The following CNTN5 variants were observed in gnomAD, a reference collection of about 807,000 sequenced individuals.
The protein encoded by CNTN5 is contactin 5, also known as contactin-5.
CNTN5 carries 77 observed loss-of-function variants against 129.1 expected under a neutral mutation model. That is an observed-to-expected ratio of 0.60 (90% confidence interval 0.50 to 0.72). The LOEUF (loss-of-function observed/expected upper bound fraction) is 0.72, where lower values mean the gene tolerates loss of function less well. CNTN5 is among the 30% of genes least tolerant of loss of function. The pLI, the probability that CNTN5 is intolerant of heterozygous loss-of-function variation, is 0.00. For missense variants in CNTN5, 1,478 were observed against 1,328.8 expected (o/e 1.11, Z -1.75); for synonymous variants, 509 against 465.6 (o/e 1.09, Z -1.20).
chr11:100,281,996 A>ATTTTT (rs34162956), intron 18 of CNTN5, among the ~76,000 whole-genome samples: 17 of 123,136 alleles, frequency 1.4e-4, no homozygotes, highest in East Asian at 4.7e-4. Flanking sequence ...TTGGCATTCT[A>ATTTTT]TTTTTTTTTT....
chr11:99,894,537 A>C (rs1222826447), intron 6 of CNTN5, among the ~76,000 whole-genome samples: 56 of 150,434 alleles, frequency 3.7e-4, no homozygotes, highest in African/African-American at 7.1e-4. Flanking sequence ...AAACCAAAAA[A>C]CAAAAAACAA....
chr11:99,398,378 G>A (rs933052671), intron 2 of CNTN5, among the ~76,000 whole-genome samples: 2 of 151,714 alleles, frequency 1.3e-5, no homozygotes, highest in Non-Finnish European at 2.9e-5. Flanking sequence ...TGAATTATTT[G>A]ATTTGCATAC....
At chr11:99,804,544 A>AG (rs1946211307) in intron 3 of CNTN5, among the ~76,000 whole-genome samples, 1 of 146,152 alleles carries the variant, frequency 6.8e-6, no homozygotes, top group African/African-American at 2.4e-5. Context: ...AAAAAAAAAA[A>AG]CTCAGTAAAG....
At chr11:99,179,823 G>T (rs72996233) in intron 1 of CNTN5, among the ~76,000 whole-genome samples, 19 of 152,290 alleles carry the variant, frequency 1.2e-4, no homozygotes, top group Non-Finnish European at 2.5e-4. Flanking sequence ...ATGGTAGTTT[G>T]TGTGTGTTCC....
At chr11:100,173,123 C>G (rs1417639362) in intron 13 of CNTN5, among the ~76,000 whole-genome samples, 1 of 152,120 alleles carries the variant, frequency 6.6e-6, no homozygotes, top group Non-Finnish European at 1.5e-5. Flanking sequence ...GGAAATCAGA[C>G]AGCTCCTCCA....
intron 3 of CNTN5, among the ~76,000 whole-genome samples, chr11:99,760,271 T>G (rs1266568706): frequency 6.6e-6 from 1 of 152,168 alleles, no homozygotes; most frequent in Non-Finnish European, 1.5e-5. Flanking sequence ...CAGTGACCTG[T>G]GTCACAGAAC....
At chr11:99,781,800 T>A (rs1316513146) in intron 3 of CNTN5, among the ~76,000 whole-genome samples, 1 of 152,058 alleles carries the variant, frequency 6.6e-6, no homozygotes. Context: ...AAACTCTCAA[T>A]AAATTAGGGA....
At chr11:99,046,233 G>T (rs1384287885) in intron 1 of CNTN5, among the ~76,000 whole-genome samples, 2 of 152,090 alleles carry the variant, frequency 1.3e-5, no homozygotes, top group Non-Finnish European at 2.9e-5. Flanking sequence ...CCAGCTACTT[G>T]GGAGGCTGAT....
At chr11:100,106,488 G>A (rs1047040269) in intron 13 of CNTN5, among the ~76,000 whole-genome samples, 5 of 131,724 alleles carry the variant, frequency 3.8e-5, no homozygotes, top group African/African-American at 1.3e-4. Context: ...GAGGGAATGA[G>A]GGAGGAGGGA....
intron 3 of CNTN5, among the ~76,000 whole-genome samples, chr11:99,655,757 A>G (rs1372541851): frequency 6.6e-6 from 1 of 152,116 alleles, no homozygotes; most frequent in East Asian, 1.9e-4. Context: ...AGATGTATAT[A>G]CGCACACACA....
intron 8 of CNTN5, among the ~76,000 whole-genome samples, chr11:99,978,908 C>A (rs1377575): frequency 0.29 from 44,258 of 151,990 alleles, 6,805 homozygotes; most frequent in African/African-American, 0.37. Context: ...TTAAAGAAAT[C>A]TATTTGTGTT....
In CNTN5 at chr11:99,655,955, CACAT is replaced by C. The variant is rs1952342974; in HGVS notation, c.55+99688_55+99691del. Among the ~76,000 whole-genome samples, 6 of 152,068 alleles carry C rather than the reference CACAT, an allele frequency of 3.9e-5. No individual in the cohort carries two copies. In the South Asian group the frequency reaches 1.2e-3, roughly 32 times the overall value. ...ATATATACACACACGTGTATATACA[CACAT>C]ATATATACACATATATGCATGTGTG... On this transcript the variant is annotated intron_variant, in intron 3 of 24. Coordinates refer to ENST00000524871, the MANE Select transcript of CNTN5 (RefSeq NM_014361.4).
chr11:99,949,176 C>T (rs1428743826), intron 7 of CNTN5, among the ~76,000 whole-genome samples: 1 of 152,108 alleles, frequency 6.6e-6, no homozygotes, highest in East Asian at 1.9e-4. Context: ...ATCTGAGAGT[C>T]CTCTTCACTG....
At chr11:100,181,151 C>T (rs73562416) in intron 13 of CNTN5, among the ~76,000 whole-genome samples, 4,714 of 151,838 alleles carry the variant, frequency 0.031, 243 homozygotes, top group African/African-American at 0.11. Context: ...TAGAACCTGC[C>T]CAGATGTTGT....
chr11:99,734,558 G>A (rs1418610320), intron 3 of CNTN5, among the ~76,000 whole-genome samples: 1 of 152,048 alleles, frequency 6.6e-6, no homozygotes, highest in Non-Finnish European at 1.5e-5. Context: ...ATATCATACT[G>A]ATTTTACAAC....
chr11:99,731,131 C>G (rs532695237), intron 3 of CNTN5, among the ~76,000 whole-genome samples: 2 of 150,222 alleles, frequency 1.3e-5, no homozygotes, highest in African/African-American at 4.9e-5. Context: ...TTTTTTGAGA[C>G]GGAGTCTTGC....
At chr11:99,710,702 A>G (rs1026572771) in intron 3 of CNTN5, among the ~76,000 whole-genome samples, 1 of 151,714 alleles carries the variant, frequency 6.6e-6, no homozygotes, top group African/African-American at 2.4e-5. Flanking sequence ...AAAAATGACT[A>G]CACAGTTCAA....
At chr11:99,932,198 T>C (rs1027026669) in intron 7 of CNTN5, among the ~76,000 whole-genome samples, 1 of 152,310 alleles carries the variant, frequency 6.6e-6, no homozygotes, top group African/African-American at 2.4e-5. Flanking sequence ...TTTATTTTAT[T>C]TTATTTTTTT....
chr11:99,541,719 CA>C (rs1350269485), intron 2 of CNTN5, among the ~76,000 whole-genome samples: 1 of 152,008 alleles, frequency 6.6e-6, no homozygotes, highest in African/African-American at 2.4e-5. Flanking sequence ...GAAGCCAAGG[CA>C]AAAGAATGGC....
Sources: gnomAD v4.1 joint callset for allele counts (sites outside exome capture counted in the v4.1 genomes callset) on GRCh38, gnomAD v4.1.1 for gene constraint, MANE v1.5 for transcripts, NCBI Gene and HGNC (gene_info 2026-07-23, HGNC 2026-07-21) for gene names.